TMC1: variants seen among roughly 807,000 people sequenced by gnomAD.
TMC1 encodes transmembrane channel like 1, also known as transmembrane channel-like protein 1.
A neutral mutation model predicts 105.8 loss-of-function variants in TMC1; 84 were observed. The ratio of observed to expected loss-of-function variants is 0.79; its 90% CI spans 0.67 to 0.95. TMC1 has a LOEUF of 0.95. Among genes scored for constraint, TMC1 ranks in the 40% least tolerant of loss-of-function variants. TMC1 has a pLI of 0.00. For synonymous variants in TMC1, 315 were observed against 311.5 expected (o/e 1.01, Z -0.12); for missense variants, 817 against 914.1 (o/e 0.89, Z 1.37).
intron 5 of TMC1, among the ~76,000 whole-genome samples, chr9:72,651,985 T>A (rs1294796577): frequency 1.3e-5 from 2 of 152,152 alleles, no homozygotes; most frequent in African/African-American, 4.8e-5. Context: ...TAGCTCCCAA[T>A]TGTGAGTGAG....
chr9:72,580,964 A>G (rs1276991575), intron 2 of TMC1, among the ~76,000 whole-genome samples: 6 of 152,196 alleles, frequency 3.9e-5, no homozygotes, highest in East Asian at 1.9e-4. Context: ...CAGGGTGGCA[A>G]ACAACTTTTG....
At chr9:72,631,608 G>T (rs1825452051) in intron 4 of TMC1, among the ~76,000 whole-genome samples, 1 of 152,156 alleles carries the variant, frequency 6.6e-6, no homozygotes, top group Non-Finnish European at 1.5e-5. Flanking sequence ...AGCTAGTCTT[G>T]CACCAAATAT....
At chr9:72,551,033 T>C (rs1291430279) in intron 1 of TMC1, among the ~76,000 whole-genome samples, 1 of 152,112 alleles carries the variant, frequency 6.6e-6, no homozygotes, top group Non-Finnish European at 1.5e-5. Flanking sequence ...AATTCTGTGG[T>C]GAAAGAAATG....
intron 2 of TMC1, among the ~76,000 whole-genome samples, chr9:72,578,942 C>T (rs1490929328): frequency 6.6e-6 from 1 of 152,122 alleles, no homozygotes; most frequent in Non-Finnish European, 1.5e-5. Context: ...GATGAATTTC[C>T]AGTTTCTACT....
At chr9:72,818,870 T>A (rs960826276) in intron 19 of TMC1, 7 of 152,238 alleles carry the variant, frequency 4.6e-5, no homozygotes. Context: ...GAGTTATTTG[T>A]TTAAAATGTC....
At chr9:72,743,181 A>C in intron 10 of TMC1, among the ~76,000 whole-genome samples, 1 of 151,386 alleles carries the variant, frequency 6.6e-6, no homozygotes, top group Admixed American at 6.6e-5. Flanking sequence ...TCCCGGCTAA[A>C]ACGGTGAAAC....
At chr9:72,715,910 G>C (rs1240833761) in intron 8 of TMC1, among the ~76,000 whole-genome samples, 2 of 152,110 alleles carry the variant, frequency 1.3e-5, no homozygotes, top group African/African-American at 2.4e-5. Context: ...ATCTACCTTT[G>C]GTCTTTGAAG....
At chr9:72,824,728 A>G (rs72733093) in intron 20 of TMC1, among the ~76,000 whole-genome samples, 14,644 of 152,322 alleles carry the variant, frequency 0.096, 759 homozygotes, top group Non-Finnish European at 0.13. Flanking sequence ...ACACGACAGT[A>G]TAGAAACCCA....
chr9:72,749,235 G>A (rs947885771), intron 10 of TMC1, among the ~76,000 whole-genome samples: 1 of 152,178 alleles, frequency 6.6e-6, no homozygotes, highest in African/African-American at 2.4e-5. Flanking sequence ...AAAAACAAAA[G>A]CATAAAAAGT....
intron 19 of TMC1, among the ~76,000 whole-genome samples, chr9:72,816,760 T>A (rs1408033039): frequency 6.6e-6 from 1 of 151,498 alleles, no homozygotes; most frequent in Non-Finnish European, 1.5e-5. Flanking sequence ...ATCAGAATTA[T>A]TTTTTTTGAT....
intron 21 of TMC1, among the ~76,000 whole-genome samples, chr9:72,828,663 A>G (rs1828996408): frequency 6.6e-6 from 1 of 152,228 alleles, no homozygotes; most frequent in Non-Finnish European, 1.5e-5. Context: ...TTCATTAATC[A>G]TACTATCAAT....
At chr9:72,738,930 C>T (rs910317266) in intron 8 of TMC1, among the ~76,000 whole-genome samples, 18 of 152,030 alleles carry the variant, frequency 1.2e-4, no homozygotes, top group African/African-American at 2.7e-4. Context: ...CTGCAGCCCC[C>T]GAGAGCTGAA....
intron 23 of TMC1, among the ~76,000 whole-genome samples, chr9:72,835,383 C>T (rs1829106128): frequency 1.3e-5 from 2 of 152,194 alleles, no homozygotes; most frequent in South Asian, 4.1e-4. Flanking sequence ...TTAGTCTCTG[C>T]AGAAGATGAG....
intron 5 of TMC1, among the ~76,000 whole-genome samples, chr9:72,674,774 G>A (rs1056812941): frequency 1.3e-5 from 2 of 152,196 alleles, no homozygotes; most frequent in African/African-American, 4.8e-5. Flanking sequence ...TCTGGAGAGA[G>A]TGGCAGAATT....
chr9:72,594,857 C>CTTA (rs1207210978), intron 2 of TMC1, among the ~76,000 whole-genome samples: 1 of 53,612 alleles, frequency 1.9e-5, no homozygotes, highest in African/African-American at 1.4e-4. Flanking sequence ...CTCTCCTCTG[C>CTTA]TTCTTCTTCT....
intron 5 of TMC1, among the ~76,000 whole-genome samples, chr9:72,659,893 T>C (rs142463848): frequency 2.0e-5 from 3 of 152,228 alleles, no homozygotes; most frequent in African/African-American, 7.2e-5. Context: ...TTAGTCGGGG[T>C]TTCTGTTTGA....
intron 17 of TMC1, 54 bp downstream of exon 17, chr9:72,792,406 A>C: frequency 6.3e-7 from 1 of 1,595,198 alleles, no homozygotes; most frequent in South Asian, 1.1e-5. Context: ...AAAGAGAGTC[A>C]ATATCTCTTC....
chr9:72,523,727 C>T (rs141828943), intron 1 of TMC1, among the ~76,000 whole-genome samples: 6 of 151,932 alleles, frequency 3.9e-5, no homozygotes, highest in Non-Finnish European at 8.8e-5. Context: ...CAGGCACACT[C>T]GGGGTAGCTT....
chr9:72,564,501 T>C (rs1448422611), intron 1 of TMC1, among the ~76,000 whole-genome samples: 1 of 152,230 alleles, frequency 6.6e-6, no homozygotes, highest in Non-Finnish European at 1.5e-5. Flanking sequence ...GAAGATTTAA[T>C]TGGTGAGAAA....
Sources: gnomAD v4.1 joint callset for allele counts (sites outside exome capture counted in the v4.1 genomes callset) on GRCh38, gnomAD v4.1.1 for gene constraint, MANE v1.5 for transcripts, NCBI Gene and HGNC (gene_info 2026-07-23, HGNC 2026-07-21) for gene names.